ACTN3: variants seen among roughly 807,000 people sequenced by gnomAD.
ACTN3 encodes the protein actinin alpha 3.
A neutral mutation model predicts 119.6 loss-of-function variants in ACTN3; 91 were observed. The observed-to-expected ratio is 0.76, with a 90% confidence interval of 0.64 to 0.91. The LOEUF (loss-of-function observed/expected upper bound fraction) is 0.91, where lower values mean the gene tolerates loss of function less well. Among genes scored for constraint, ACTN3 ranks in the 40% least tolerant of loss-of-function variants. The pLI is 0.00. For synonymous variants in ACTN3, 456 were observed against 478.8 expected, an observed-to-expected ratio of 0.95 and a Z score of 0.62; for missense variants, 1,221 against 1,215.1, an observed-to-expected ratio of 1.00 and a Z score of -0.07.
At chr11:66,548,201 G>A (rs1037355875) in intron 1 of ACTN3, among the ~76,000 whole-genome samples, 1 of 152,056 alleles carries the variant, frequency 6.6e-6, no homozygotes, top group Admixed American at 6.5e-5. Context: ...GAGAGGCTCC[G>A]CTGACTCGGC....
At chr11:66,555,619 G>A (rs537839859) in intron 7 of ACTN3, among the ~76,000 whole-genome samples, 1 of 152,162 alleles carries the variant, frequency 6.6e-6, no homozygotes, top group Non-Finnish European at 1.5e-5. Context: ...CAGTTACCTG[G>A]GTTACCTGGG....
intron 14 of ACTN3, 69 bp downstream of exon 14, chr11:66,560,380 A>C: frequency 6.4e-7 from 1 of 1,552,942 alleles, no homozygotes; most frequent in East Asian, 2.3e-5. Context: ...GCCACCCACA[A>C]CTTTAGGCTC....
At position 66,546,943 on chromosome 11, in the gene ACTN3, G is replaced by T; in HGVS notation, c.6G>T (p.Met2Ile). 2 of 1,539,150 alleles carry T rather than the reference G, an allele frequency of 1.3e-6. No individual in the cohort carries two copies. Among genetic ancestry groups the T allele is most frequent in the Non-Finnish European group, 1.7e-6 (2 of 1,148,226 alleles). Residue 2 changes from methionine to isoleucine, a missense_variant, in exon 1 of 21, where the codon ATG (methionine) becomes ATT (isoleucine). Transcript: ENST00000513398. M[M>I]MVMQPEGLGA... ...AAGCCAGGAGCCCGATCGAGATGAT[G>T]ATGGTTATGCAGCCCGAGGGTCTGG...
chr11:66,554,071 AC>A lies in ACTN3; in HGVS notation c.412del (p.Leu138TrpfsTer3), dbSNP rs768874863. ...GATTGTTGACGGGAACCTGAAGATG[AC>A]CCTGGGCATGATCTGGACCATCATC... is the stretch of plus-strand genomic sequence containing the variant. Reference protein sequence around the residue: ...EEIVDGNLKMTLGMIWTIILR... With the variant: ...EEIVDGNLKMXLGMIWTIILR... On this transcript the variant is annotated frameshift_variant, in exon 4 of 21. Transcript: ENST00000513398. LOFTEE classifies it high-confidence loss of function. 1.9e-6 allele frequency: 3 copies of A among 1,613,520 alleles called. No homozygotes were observed.
chr11:66,560,782 C>A (rs1857740190), intron 15 of ACTN3, 27 bp downstream of exon 15: 3 of 1,588,232 alleles, frequency 1.9e-6, no homozygotes, highest in African/African-American at 2.7e-5. Flanking sequence ...GCCTTCCTCC[C>A]ACCCCCTCCT....
intron 12 of ACTN3, 60 bp downstream of exon 12, chr11:66,559,446 C>T (rs556506372): frequency 1.9e-5 from 27 of 1,385,550 alleles, no homozygotes; most frequent in Non-Finnish European, 2.3e-5. Context: ...CGGTGGCGAG[C>T]CCCACCCTGA....
rs750373831 is a variant in ACTN3 at position 66,562,031 on chromosome 11, G to A, written c.2185G>A (p.Val729Met). ...GTCCCCTGACCGCCAGCACATCCGC[G>A]TGGGCTGGGAGCAGCTGCTCACCTC... is the stretch of plus-strand genomic sequence containing the variant. Reference protein sequence around the residue: ...HTVYSMEHIRVGWEQLLTSIA... With the variant: ...HTVYSMEHIRMGWEQLLTSIA... The change falls in exon 18 of 21, where the codon GTG becomes ATG. Residue 729 changes from valine to methionine, a missense_variant. By Grantham distance (21) the Val-to-Met change is conservative (BLOSUM62 1). Around this residue, in one of 3 missense-constraint regions of ACTN3, gnomAD observed 934 missense variants for 899.9 expected, o/e 1.04. Transcript: ENST00000513398. The A allele has an allele frequency of 5.0e-6, 8 of 1,610,138 alleles. No homozygotes were observed. The highest frequency in any genetic ancestry group is 4.5e-5 in the East Asian group (2 of 44,632).
upstream of ACTN3, chr11:66,546,480 A>G: frequency 6.6e-7 from 1 of 1,508,278 alleles, no homozygotes; most frequent in Non-Finnish European, 8.9e-7. Context: ...CATGCAAAAC[A>G]GCTCGGCGCC....
intron 8 of ACTN3, among the ~76,000 whole-genome samples, chr11:66,556,453 CTTTG>C (rs971117323): frequency 7.2e-5 from 11 of 152,164 alleles, no homozygotes; most frequent in Non-Finnish European, 7.4e-5. Context: ...GGACTCCATT[CTTTG>C]TTTGTTTTTT....
chr11:66,557,706 A>T lies in ACTN3; in HGVS notation c.905A>T (p.Glu302Val). The stretch of plus-strand genomic sequence containing the variant: ...CCTGCCTGGCCCTGTCAGCTGCTGG[A>T]GTGGATCCGCCGCACTGTCCCATGG... ...EYEKLASELL[E>V]WIRRTVPWLE... Residue 302 changes from glutamate (E) to valine (V), a missense_variant, in exon 10 of 21, where the codon GAG becomes GTG. Around this residue, in one of 3 missense-constraint regions of ACTN3, gnomAD observed 934 missense variants for 899.9 expected, o/e 1.04. Transcript: ENST00000513398. 6.2e-7 allele frequency: 1 copy of T among 1,610,432 alleles called. No homozygotes were observed. The highest frequency in any genetic ancestry group is 2.2e-5 in the East Asian group (1 of 44,750).
chr11:66,555,410 A>C (rs906195334), intron 7 of ACTN3, 43 bp downstream of exon 7: 4 of 1,596,228 alleles, frequency 2.5e-6, no homozygotes, highest in Non-Finnish European at 3.4e-6. Context: ...CATTCTCCAC[A>C]CTGGGCCTGG....
chr11:66,561,918 G>C (rs986693657), intron 17 of ACTN3, 104 bp from the exon 18 acceptor site: 2 of 1,397,008 alleles, frequency 1.4e-6, no homozygotes, highest in Admixed American at 2.1e-5. Context: ...GGCCCAGTGA[G>C]GGGGAGGACT....
chr11:66,551,810 T>G, intron 3 of ACTN3, 163 bp downstream of exon 3: 126 of 643,152 alleles, frequency 2.0e-4, no homozygotes, highest in Non-Finnish European at 2.2e-4. Context: ...GCACGGTGGC[T>G]CACGCCTGTA....
intron 3 of ACTN3, 99 bp from the exon 4 acceptor site, chr11:66,553,946 C>T: frequency 1.1e-6 from 1 of 900,078 alleles, no homozygotes; most frequent in Non-Finnish European, 1.7e-6. Context: ...AAATGGGAGA[C>T]AAGGGCCAGA....
chr11:66,560,881 C>A, intron 15 of ACTN3, 126 bp downstream of exon 15: 1 of 1,082,848 alleles, frequency 9.2e-7, no homozygotes, highest in Non-Finnish European at 1.3e-6. Context: ...ACAGACTCCA[C>A]GTGGGATTGG....
At chr11:66,558,656 C>T (rs961821842) in intron 11 of ACTN3, among the ~76,000 whole-genome samples, 1 of 152,198 alleles carries the variant, frequency 6.6e-6, no homozygotes. Context: ...GAATGAGCCA[C>T]CGCACACCCG....
At chr11:66,547,579 G>T (rs1252025387) in intron 1 of ACTN3, among the ~76,000 whole-genome samples, 1 of 152,100 alleles carries the variant, frequency 6.6e-6, no homozygotes, top group East Asian at 1.9e-4. Flanking sequence ...AACAATTGAA[G>T]AAACTGAAGC....
chr11:66,546,600 C>G, upstream of ACTN3: 1 of 1,535,630 alleles, frequency 6.5e-7, no homozygotes, highest in Non-Finnish European at 8.7e-7. Flanking sequence ...GGCCCGCGGC[C>G]ACTATTATTA....
Position 66,562,852 on chromosome 11 carries a change from GGTGACCT to G in ACTN3, c.2446_2452del (p.Val816SerfsTer5), listed in dbSNP as rs1857817630. The G allele has an allele frequency of 6.2e-7, 1 of 1,613,710 alleles. No individual in the cohort carries two copies. The stretch of plus-strand genomic sequence containing the variant: ...TGGTGGACCCCAACGCAGCTGGGGT[GGTGACCT>G]TCCAGGCCTTCATAGACTTCATGAC... On this transcript the variant is annotated frameshift_variant, in exon 20 of 21. Transcript: ENST00000513398. LOFTEE classifies it high-confidence loss of function.
Sources: allele counts gnomAD v4.1 joint callset (sites outside exome capture counted in the v4.1 genomes callset), GRCh38; gene constraint gnomAD v4.1.1; regional missense constraint gnomAD v4.1.1; transcripts MANE v1.5; gene names NCBI Gene and HGNC (gene_info 2026-07-23, HGNC 2026-07-21).